Variants in TXNRD1 observed in about 807,000 individuals in gnomAD.
The protein encoded by TXNRD1 is thioredoxin reductase 1.
Under a neutral mutation model 80.3 loss-of-function variants are expected in TXNRD1, and 57 were observed. The observed-to-expected ratio is 0.71, with a 90% CI of 0.57 to 0.89. TXNRD1 has a LOEUF of 0.89. Among genes scored for constraint, TXNRD1 ranks in the 40% least tolerant of loss-of-function variants. TXNRD1 has a pLI of 0.00. For synonymous variants in TXNRD1, 291 were observed against 285.2 expected, an observed-to-expected ratio of 1.02 and a Z score of -0.20; for missense variants, 730 against 803.0, an observed-to-expected ratio of 0.91 and a Z score of 1.10.
intron 1 of TXNRD1, among the ~76,000 whole-genome samples, chr12:104,229,549 T>C (rs2135681580): frequency 6.6e-6 from 1 of 152,046 alleles, no homozygotes; most frequent in South Asian, 2.1e-4. Context: ...CAGTGCATTG[T>C]ATGAATATAC....
chr12:104,328,187 A>T (rs2035831475), intron 13 of TXNRD1, among the ~76,000 whole-genome samples: 2 of 151,898 alleles, frequency 1.3e-5, no homozygotes, highest in South Asian at 4.2e-4. Context: ...AAAAAAAAAA[A>T]AAAGAAAATT....
chr12:104,249,737 C>T (rs1443915293), intron 1 of TXNRD1, among the ~76,000 whole-genome samples: 5 of 151,784 alleles, frequency 3.3e-5, no homozygotes, highest in Middle Eastern at 3.2e-3. Context: ...AGATCAAGAC[C>T]ATCCTGGCTA....
At chr12:104,332,643 G>A (rs919194057) in intron 14 of TXNRD1, among the ~76,000 whole-genome samples, 3 of 151,300 alleles carry the variant, frequency 2.0e-5, no homozygotes, top group African/African-American at 7.3e-5. Flanking sequence ...CAGCTACTTG[G>A]GAAGCTGAGG....
chr12:104,278,352 C>A lies in TXNRD1; in HGVS notation c.305-10579C>A, dbSNP rs560405195. ...AGTAGCTGGGACTACAGGCGCCCAC[C>A]CCCAAGCCTGGCTAATTTTTTGCGT... is the stretch of plus-strand genomic sequence containing the variant. On this transcript the variant is annotated intron_variant, in intron 3 of 16. Transcript: ENST00000525566. 3.5e-4 allele frequency among the ~76,000 whole-genome samples: 53 copies of A among 151,506 alleles called. No individual in the cohort carries two copies. In the South Asian group the frequency reaches 4.8e-3, roughly 14 times the overall value.
intron 3 of TXNRD1, among the ~76,000 whole-genome samples, chr12:104,268,565 C>A (rs2033586252): frequency 6.6e-6 from 1 of 152,062 alleles, no homozygotes; most frequent in African/African-American, 2.4e-5. Flanking sequence ...TGTCCCCAGG[C>A]TGGAGTACAG....
intron 1 of TXNRD1, among the ~76,000 whole-genome samples, chr12:104,225,486 C>G (rs1207069049): frequency 1.3e-5 from 2 of 152,150 alleles, no homozygotes; most frequent in African/African-American, 2.4e-5. Context: ...CCGCATGTGT[C>G]AAGGGCAGTA....
intron 3 of TXNRD1, among the ~76,000 whole-genome samples, chr12:104,273,422 G>T (rs966467776): frequency 6.6e-6 from 1 of 152,042 alleles, no homozygotes. Context: ...GTGAAACCCC[G>T]TCTGTAATAA....
At chr12:104,277,068 C>T (rs4254139) in intron 3 of TXNRD1, among the ~76,000 whole-genome samples, 102,560 of 151,448 alleles carry the variant, frequency 0.68, 34,840 homozygotes, top group East Asian at 0.85. Flanking sequence ...GGCAACAAAG[C>T]GAGACCCTGT....
chr12:104,327,883 G>A (rs958000918), intron 13 of TXNRD1, among the ~76,000 whole-genome samples: 1 of 151,460 alleles, frequency 6.6e-6, no homozygotes, highest in East Asian at 1.9e-4. Flanking sequence ...ACACTCCGCC[G>A]GGCACAGTGG....
At chr12:104,291,193 TGTC>T in intron 4 of TXNRD1, 4 of 371,546 alleles carry the variant, frequency 1.1e-5, no homozygotes, top group South Asian at 3.7e-5. Context: ...TTCTACTTTG[TGTC>T]TTTTTTTTTT....
chr12:104,273,866 A>G (rs2033704404), intron 3 of TXNRD1, among the ~76,000 whole-genome samples: 1 of 151,952 alleles, frequency 6.6e-6, no homozygotes, highest in East Asian at 2.0e-4. Flanking sequence ...CCTGGCTAAC[A>G]CGGTGCAACC....
chr12:104,346,989 G>T (rs975656965), intron 16 of TXNRD1, among the ~76,000 whole-genome samples: 8 of 152,110 alleles, frequency 5.3e-5, no homozygotes, highest in Non-Finnish European at 1.2e-4. Flanking sequence ...CACCTACTCG[G>T]GAGGCTGAGG....
chr12:104,229,856 G>C (rs564181137), intron 1 of TXNRD1, among the ~76,000 whole-genome samples: 2 of 152,120 alleles, frequency 1.3e-5, no homozygotes, highest in South Asian at 4.1e-4. Flanking sequence ...CTCTCAAAGT[G>C]CTGGGATTAC....
At chr12:104,309,238 T>C (rs2035042898) in intron 4 of TXNRD1, among the ~76,000 whole-genome samples, 2 of 152,188 alleles carry the variant, frequency 1.3e-5, no homozygotes, top group Non-Finnish European at 2.9e-5. Flanking sequence ...AATGCTTCAA[T>C]TGCCTGTGTC....
At chr12:104,299,025 G>A (rs1222037252) in intron 4 of TXNRD1, among the ~76,000 whole-genome samples, 1 of 152,056 alleles carries the variant, frequency 6.6e-6, no homozygotes, top group Admixed American at 6.6e-5. Flanking sequence ...TCCACCCTGT[G>A]GAACCAGCAT....
chr12:104,265,979 A>C, intron 3 of TXNRD1: 1 of 607,350 alleles, frequency 1.6e-6, no homozygotes, highest in Non-Finnish European at 2.8e-6. Flanking sequence ...GAAAAGAAAT[A>C]ATAATAGGTT....
intron 15 of TXNRD1, among the ~76,000 whole-genome samples, chr12:104,338,649 A>T (rs919028704): frequency 6.6e-6 from 1 of 151,050 alleles, no homozygotes; most frequent in Non-Finnish European, 1.5e-5. Context: ...GTGAGTGGAG[A>T]TCGCGCCATT....
chr12:104,238,756 A>T (rs1168548440), intron 1 of TXNRD1, among the ~76,000 whole-genome samples: 2 of 152,158 alleles, frequency 1.3e-5, no homozygotes, highest in African/African-American at 2.4e-5. Flanking sequence ...GTTGTGGTGT[A>T]TAAAATTTTT....
intron 16 of TXNRD1, among the ~76,000 whole-genome samples, chr12:104,340,998 G>A (rs1046290951): frequency 1.3e-5 from 2 of 152,200 alleles, no homozygotes; most frequent in Admixed American, 1.3e-4. Context: ...TGGGCTTGTT[G>A]AAAGACTGCT....
Sources: allele counts gnomAD v4.1 joint callset (sites outside exome capture counted in the v4.1 genomes callset), GRCh38; gene constraint gnomAD v4.1.1; transcripts MANE v1.5; gene names NCBI Gene and HGNC (gene_info 2026-07-23, HGNC 2026-07-21).